Variants in POP4 observed in about 807,000 individuals in gnomAD.
POP4 encodes the protein POP4 ribonuclease P/MRP subunit.
In POP4, 31 loss-of-function variants were observed where a neutral mutation model predicts 29.9. The observed-to-expected ratio is 1.04, with a 90% CI of 0.78 to 1.40. The LOEUF (loss-of-function observed/expected upper bound fraction) is 1.40. Among genes scored for constraint, POP4 ranks in the 40% most tolerant of loss-of-function variants. The pLI, the probability that POP4 is intolerant of heterozygous loss-of-function variation, is 0.00. For synonymous variants in POP4, 110 were observed against 108.2 expected (o/e 1.02, Z -0.10); for missense variants, 286 against 282.7 (o/e 1.01, Z -0.08).
At chr19:29,609,822 C>G (rs1015931144) in intron 2 of POP4, among the ~76,000 whole-genome samples, 1 of 152,134 alleles carries the variant, frequency 6.6e-6, no homozygotes, top group African/African-American at 2.4e-5. Context: ...TGATGGTCTG[C>G]GGGGCGGGAG....
At chr19:29,610,312 T>C in intron 2 of POP4, 97 bp from the exon 3 acceptor site, 1 of 1,167,056 alleles carries the variant, frequency 8.6e-7, no homozygotes, top group Non-Finnish European at 1.2e-6. Context: ...CCCCATTTGC[T>C]CTTGCAGTAG....
chr19:29,610,703 G>T (rs1322059942), intron 3 of POP4, 71 bp downstream of exon 3: 6 of 1,476,336 alleles, frequency 4.1e-6, no homozygotes, highest in Non-Finnish European at 9.2e-7. Context: ...TGGCTGAGTG[G>T]CTGGGGAGGC....
chr19:29,608,057 A>G (rs1971020588), intron 1 of POP4, among the ~76,000 whole-genome samples: 1 of 152,122 alleles, frequency 6.6e-6, no homozygotes, highest in Non-Finnish European at 1.5e-5. Flanking sequence ...AAGATCCCAG[A>G]GATTTTTACA....
chr19:29,610,180 G>A (rs555398101), intron 2 of POP4: 11 of 545,928 alleles, frequency 2.0e-5, no homozygotes, highest in Middle Eastern at 4.8e-4. Flanking sequence ...CGTTTGACAC[G>A]CTGTTGTGTG....
intron 3 of POP4, 52 bp from the exon 4 acceptor site, chr19:29,611,810 C>A: frequency 6.8e-7 from 1 of 1,473,064 alleles, no homozygotes; most frequent in South Asian, 1.1e-5. Flanking sequence ...TGGACATTGT[C>A]ATCCCAAGCT....
At position 29,616,215 on chromosome 19, in the gene POP4, A is replaced by G. The variant is rs1340547932; in HGVS notation, c.*835A>G. On this transcript the variant is annotated 3_prime_UTR_variant, in exon 7 of 7. Transcript: ENST00000585603. ...GATATCTTCGCCATTTTTGCTGCTGAAAGACTTGGCTTTTCAGTCTGACCC... is the reference window on the plus strand; with the variant it reads ...GATATCTTCGCCATTTTTGCTGCTGGAAGACTTGGCTTTTCAGTCTGACCC... The G allele has an allele frequency of 6.6e-6, 1 of 152,242 alleles. No individual in the cohort carries two copies. Among genetic ancestry groups the G allele is most frequent in the Non-Finnish European group, 1.5e-5 (1 of 68,050 alleles). 9.4% of individuals were successfully genotyped at this position (152,242 alleles called of 1,614,324 possible).
intron 3 of POP4, 132 bp downstream of exon 3, chr19:29,610,764 G>A: frequency 1.1e-6 from 1 of 898,350 alleles, no homozygotes; most frequent in Admixed American, 2.7e-5. Context: ...TGCCACAAGA[G>A]GGCAGCCTTC....
At position 29,615,637 on chromosome 19, in the gene POP4, G is replaced by A; in HGVS notation, c.*257G>A. 3 of 414,382 alleles carry A rather than the reference G, an allele frequency of 7.2e-6. No homozygotes were observed. Among genetic ancestry groups the A allele is most frequent in the Non-Finnish European group, 1.3e-5 (3 of 231,380 alleles). The allele number at this position is 414,382 out of a possible 1,614,324, so 25.7% of individuals were successfully genotyped here. A position where few individuals can be genotyped will look rare whatever the true frequency, so the allele number is the denominator to read the frequency against. On this transcript the variant is annotated 3_prime_UTR_variant, in exon 7 of 7. Transcript: ENST00000585603. ...CCCATGGGGAGGAACAGACTGGCAG[G>A]AAGCACACCGGGGTTAACACTGGTT...
In POP4 at chr19:29,606,293, C is replaced by T; in HGVS notation, c.-26C>T. On this transcript the variant is annotated 5_prime_UTR_variant, in exon 1 of 7. Transcript: ENST00000585603. ...GCGACAGCAGCTGCCAGTGCGTCAT[C>T]AGAGAGCGCCGGAAGCGGTCCGAGA... 1.9e-6 allele frequency: 3 copies of T among 1,600,600 alleles called. No homozygotes were observed. Among genetic ancestry groups the T allele is most frequent in the Non-Finnish European group, 2.6e-6 (3 of 1,174,304 alleles).
chr19:29,606,314 CG>C lies in POP4; in HGVS notation c.-4del. Reference sequence around the variant, plus strand: ...TCATCAGAGAGCGCCGGAAGCGGTCCGAGAATGAAGAGTAAGCGGGGCCGCG... The same window carrying C: ...TCATCAGAGAGCGCCGGAAGCGGTCCAGAATGAAGAGTAAGCGGGGCCGCG... On this transcript the variant is annotated 5_prime_UTR_variant, in exon 1 of 7. Transcript: ENST00000585603. 1 of 1,605,582 alleles carries C rather than the reference CG, an allele frequency of 6.2e-7. No individual in the cohort carries two copies. The highest frequency in any genetic ancestry group is 8.5e-7 in the Non-Finnish European group (1 of 1,176,446).
Position 29,615,513 on chromosome 19 carries a change from GAGGATGTTGAACA to G in POP4, c.*135_*147del. 1.0e-6 allele frequency: 1 copy of G among 954,474 alleles called. No individual in the cohort carries two copies. Among genetic ancestry groups the G allele is most frequent in the Non-Finnish European group, 1.5e-6 (1 of 659,426 alleles). The allele number at this position is 954,474 out of a possible 1,614,324, so 59.1% of individuals were successfully genotyped here. On this transcript the variant is annotated 3_prime_UTR_variant, in exon 7 of 7. Transcript: ENST00000585603. Reference sequence around the variant, plus strand: ...CCTCCAGCCAGTGACGCTCCGAGTTGAGGATGTTGAACAACATGGGAAGGTCGCAGCGTACTAA... The same window carrying G: ...CCTCCAGCCAGTGACGCTCCGAGTTGACATGGGAAGGTCGCAGCGTACTAA...
chr19:29,606,839 A>G (rs1285133402), intron 1 of POP4, among the ~76,000 whole-genome samples: 1 of 151,262 alleles, frequency 6.6e-6, no homozygotes, highest in Non-Finnish European at 1.5e-5. Flanking sequence ...TTCTACCTAT[A>G]TGATCAAGTA....
chr19:29,610,744 C>G (rs1421188806), intron 3 of POP4, 112 bp downstream of exon 3: 4 of 1,072,660 alleles, frequency 3.7e-6, no homozygotes, highest in Non-Finnish European at 5.4e-6. Flanking sequence ...AAGGGGGCCT[C>G]TCTGTCGTCT....
intron 3 of POP4, chr19:29,611,094 A>G (rs1014714190): frequency 6.2e-5 from 10 of 160,428 alleles, no homozygotes; most frequent in African/African-American, 2.4e-4. Context: ...CCTCCAGCCG[A>G]CCCGCCATCC....
intron 2 of POP4, chr19:29,610,189 T>A (rs1294952085): frequency 1.8e-6 from 1 of 563,560 alleles, no homozygotes; most frequent in Non-Finnish European, 3.2e-6. Flanking sequence ...CGCTGTTGTG[T>A]GTGACAAACG....
intron 1 of POP4, 48 bp downstream of exon 1, chr19:29,606,373 G>T (rs778884770): frequency 1.3e-6 from 2 of 1,585,192 alleles, no homozygotes; most frequent in Non-Finnish European, 1.7e-6. Flanking sequence ...TTAAGGGTCG[G>T]GGTCTTGGTA....
At position 29,613,975 on chromosome 19, in the gene POP4, A is replaced by G; in HGVS notation, c.526+3A>G. 2 of 1,609,732 alleles carry G rather than the reference A, an allele frequency of 1.2e-6. No homozygotes were observed. Among genetic ancestry groups the G allele is most frequent in the Non-Finnish European group, 1.7e-6 (2 of 1,178,650 alleles). On this transcript the variant is annotated splice_donor_region_variant and intron_variant, in intron 6 of 6. Transcript: ENST00000585603. ...CACCAAAGAAGACCGCCTGAAAGGT[A>G]TGTAGGTGTTTCTGAGGGCATTGCT...
chr19:29,614,261 G>A (rs994779735), intron 6 of POP4, among the ~76,000 whole-genome samples: 3 of 152,220 alleles, frequency 2.0e-5, no homozygotes, highest in African/African-American at 7.2e-5. Flanking sequence ...CCCAGGAGAG[G>A]GCCTCCACCT....
chr19:29,614,471 T>A (rs1347016846), intron 6 of POP4, among the ~76,000 whole-genome samples: 1 of 152,036 alleles, frequency 6.6e-6, no homozygotes, highest in Non-Finnish European at 1.5e-5. Context: ...TCCAGAGATA[T>A]CAAACCATAG....
Sources: gnomAD v4.1 joint callset for allele counts (sites outside exome capture counted in the v4.1 genomes callset) on GRCh38, gnomAD v4.1.1 for gene constraint, MANE v1.5 for transcripts, NCBI Gene and HGNC (gene_info 2026-07-23, HGNC 2026-07-21) for gene names.